The following SORBS2 variants were observed in gnomAD, a reference collection of about 807,000 sequenced individuals.
SORBS2 encodes sorbin and SH3 domain-containing protein 2.
Under a neutral mutation model 97.7 loss-of-function variants are expected in SORBS2, and 46 were observed. That is an observed-to-expected ratio of 0.47 (90% confidence interval 0.37 to 0.60). The LOEUF is 0.60. Ranked by LOEUF, SORBS2 falls within the 20% of genes least tolerant of loss-of-function variation. The pLI is 0.00. For synonymous variants in SORBS2, 476 were observed against 473.4 expected (o/e 1.01, Z -0.07); for missense variants, 1,316 against 1,282.3 (o/e 1.03, Z -0.40).
intron 2 of SORBS2, among the ~76,000 whole-genome samples, chr4:185,735,323 C>T (rs151310452): frequency 1.3e-4 from 20 of 151,924 alleles, no homozygotes; most frequent in African/African-American, 4.6e-4. Context: ...GCAACATGTC[C>T]TCTGCTAGGA....
chr4:185,601,000 A>G (rs746047238), intron 12 of SORBS2, among the ~76,000 whole-genome samples: 3 of 152,078 alleles, frequency 2.0e-5, no homozygotes, highest in Non-Finnish European at 4.4e-5. Flanking sequence ...CCAATAGCGG[A>G]CAGGATCTGG....
chr4:185,856,284 G>A (rs1296597738), intron 1 of SORBS2, among the ~76,000 whole-genome samples: 3 of 152,130 alleles, frequency 2.0e-5, no homozygotes, highest in Non-Finnish European at 2.9e-5. Context: ...TGACCAGGGC[G>A]AGTTTCTTAA....
At chr4:185,929,530 GTTTTTT>G (rs367695815) in intron 1 of SORBS2, among the ~76,000 whole-genome samples, 64 of 135,116 alleles carry the variant, frequency 4.7e-4, no homozygotes, top group African/African-American at 1.7e-3. Context: ...TTTTTGTTGG[GTTTTTT>G]TTTTTTTTTT....
chr4:185,787,706 G>T (rs1273988153), intron 1 of SORBS2, among the ~76,000 whole-genome samples: 2 of 152,054 alleles, frequency 1.3e-5, no homozygotes, highest in African/African-American at 2.4e-5. Context: ...GGTACTCTTG[G>T]GTTTTATGGC....
intron 4 of SORBS2, among the ~76,000 whole-genome samples, chr4:185,666,419 G>T (rs1439620265): frequency 6.6e-6 from 1 of 152,162 alleles, no homozygotes; most frequent in African/African-American, 2.4e-5. Context: ...AACAAGGCCG[G>T]TTTTCACACA....
intron 1 of SORBS2, among the ~76,000 whole-genome samples, chr4:185,894,651 A>G (rs1043742462): frequency 3.9e-5 from 6 of 152,156 alleles, no homozygotes; most frequent in African/African-American, 1.4e-4. Context: ...GTCAGAATCA[A>G]TATCTCTCTG....
At chr4:185,710,858 C>T (rs571415406) in intron 2 of SORBS2, among the ~76,000 whole-genome samples, 16 of 152,330 alleles carry the variant, frequency 1.1e-4, no homozygotes, top group East Asian at 9.6e-4. Context: ...CGGTAAACAC[C>T]GATGTGCTCT....
intron 4 of SORBS2, among the ~76,000 whole-genome samples, chr4:185,641,379 A>G (rs1348707300): frequency 6.6e-6 from 1 of 152,288 alleles, no homozygotes; most frequent in African/African-American, 2.4e-5. Flanking sequence ...TGTTAAAGGA[A>G]GTGTTAGTGG....
At chr4:185,917,975 G>A (rs1158981653) in intron 1 of SORBS2, among the ~76,000 whole-genome samples, 1 of 152,162 alleles carries the variant, frequency 6.6e-6, no homozygotes, top group African/African-American at 2.4e-5. Context: ...GAATATGGCA[G>A]ACAAAATAAA....
intron 1 of SORBS2, among the ~76,000 whole-genome samples, chr4:185,908,853 C>T (rs778510388): frequency 2.0e-5 from 3 of 151,794 alleles, no homozygotes; most frequent in Non-Finnish European, 4.4e-5. Flanking sequence ...ATAACCCTTG[C>T]ATAACATATA....
chr4:185,595,212 C>A (rs1054284893), intron 12 of SORBS2, among the ~76,000 whole-genome samples: 5 of 152,114 alleles, frequency 3.3e-5, no homozygotes, highest in African/African-American at 1.2e-4. Context: ...AACTGGAAAC[C>A]TTTATTAACA....
chr4:185,892,446 T>A (rs950972198), intron 1 of SORBS2, among the ~76,000 whole-genome samples: 3 of 152,252 alleles, frequency 2.0e-5, no homozygotes, highest in African/African-American at 7.2e-5. Flanking sequence ...TCGATTCTAC[T>A]GATAAGGACT....
intron 1 of SORBS2, among the ~76,000 whole-genome samples, chr4:185,792,676 T>C (rs1340708913): frequency 2.6e-5 from 4 of 152,198 alleles, no homozygotes; most frequent in African/African-American, 9.6e-5. Flanking sequence ...CCTCTTTTTA[T>C]TGTCGTGCTA....
At chr4:185,740,306 C>T (rs1325582323) in intron 2 of SORBS2, 2 of 152,330 alleles carry the variant, frequency 1.3e-5, no homozygotes, top group Non-Finnish European at 2.9e-5. Context: ...AGTGGACACA[C>T]GCTGTCAGGA....
intron 2 of SORBS2, among the ~76,000 whole-genome samples, chr4:185,708,985 T>C (rs1583183990): frequency 1.3e-5 from 2 of 152,282 alleles, no homozygotes; most frequent in African/African-American, 4.8e-5. Context: ...TCAAAAAATT[T>C]CAATTCAGTT....
chr4:185,627,775 T>C lies in SORBS2; in HGVS notation c.447-756A>G, dbSNP rs1424017185. On this transcript the variant is annotated intron_variant, in intron 5 of 14. Transcript: ENST00000418609. ...TATAATGATGTGTGTCCATCATTAA[T>C]GTGTCAATCATATAAAATAGTCTTC... Among the ~76,000 whole-genome samples, 9 of 152,288 alleles carry C rather than the reference T, an allele frequency of 5.9e-5. No individual in the cohort carries two copies. In the South Asian group the frequency reaches 1.9e-3, roughly 32 times the overall value.
intron 1 of SORBS2, among the ~76,000 whole-genome samples, chr4:185,878,249 G>A (rs1231762417): frequency 6.6e-6 from 1 of 152,096 alleles, no homozygotes; most frequent in Non-Finnish European, 1.5e-5. Flanking sequence ...CTCTATTTTG[G>A]CAATTAAGTA....
chr4:185,731,945 A>C (rs541598278), intron 2 of SORBS2, among the ~76,000 whole-genome samples: 64 of 142,604 alleles, frequency 4.5e-4, no homozygotes, highest in Non-Finnish European at 2.1e-4. Context: ...TATACAATCA[A>C]ATCAGTGTGC....
intron 9 of SORBS2, among the ~76,000 whole-genome samples, chr4:185,617,042 C>T (rs2096639569): frequency 6.6e-6 from 1 of 152,210 alleles, no homozygotes; most frequent in Non-Finnish European, 1.5e-5. Flanking sequence ...AGCCACCGTG[C>T]CCAGCTGCTT....
Sources: allele counts gnomAD v4.1 joint callset (sites outside exome capture counted in the v4.1 genomes callset), GRCh38; gene constraint gnomAD v4.1.1; transcripts MANE v1.5; gene names NCBI Gene and HGNC (gene_info 2026-07-23, HGNC 2026-07-21).